Variants in PRKAR2A observed in about 807,000 individuals in gnomAD.
PRKAR2A encodes protein kinase cAMP-dependent type II regulatory subunit alpha, also known as cAMP-dependent protein kinase type II-alpha regulatory subunit.
A neutral mutation model predicts 51.9 loss-of-function variants in PRKAR2A; 29 were observed. That is an observed-to-expected ratio of 0.56 (90% CI 0.42 to 0.76). PRKAR2A has a LOEUF of 0.76. Ranked by LOEUF, PRKAR2A falls within the 30% of genes least tolerant of loss-of-function variation. The probability of loss-of-function intolerance (pLI) is 0.00; values close to 1 mark genes in which losing one functional copy is unlikely to be tolerated. For synonymous variants in PRKAR2A, 178 were observed against 186.2 expected, an observed-to-expected ratio of 0.96 and a Z score of 0.36; for missense variants, 445 against 512.1, an observed-to-expected ratio of 0.87 and a Z score of 1.26.
intron 9 of PRKAR2A, among the ~76,000 whole-genome samples, chr3:48,753,988 C>A (rs1486321761): frequency 6.7e-6 from 1 of 148,548 alleles, no homozygotes; most frequent in Non-Finnish European, 1.5e-5. Flanking sequence ...AGCTCTGCCT[C>A]CTGGGCTCAT....
chr3:48,796,938 G>A (rs1432085026), intron 2 of PRKAR2A, among the ~76,000 whole-genome samples: 1 of 151,694 alleles, frequency 6.6e-6, no homozygotes, highest in Non-Finnish European at 1.5e-5. Context: ...AGTTTACTGA[G>A]CATTTTGTAG....
rs2081642141 is a variant in PRKAR2A at position 48,751,221 on chromosome 3, C to T, written c.*364G>A. ...CAGGTTTCTGCAGACCCTGTGGTAA[C>T]TTCCAAAAGCAAGAGTAGCAGCAAG... On this transcript the variant is annotated 3_prime_UTR_variant, in exon 11 of 11. Transcript: ENST00000265563. 2.2e-6 allele frequency: 1 copy of T among 453,426 alleles called. No homozygotes were observed. Among genetic ancestry groups the T allele is most frequent in the Non-Finnish European group, 4.4e-6 (1 of 227,674 alleles). 28.1% of individuals were successfully genotyped at this position (453,426 alleles called of 1,614,324 possible). A position where few individuals can be genotyped will look rare whatever the true frequency, so the allele number is the denominator to read the frequency against.
chr3:48,755,984 G>A (rs1344592399), intron 9 of PRKAR2A, among the ~76,000 whole-genome samples: 1 of 151,892 alleles, frequency 6.6e-6, no homozygotes, highest in African/African-American at 2.4e-5. Flanking sequence ...GTTTCACCGT[G>A]TTAGCCAGGA....
intron 1 of PRKAR2A, among the ~76,000 whole-genome samples, chr3:48,818,665 G>A (rs997376792): frequency 3.9e-5 from 6 of 152,112 alleles, no homozygotes; most frequent in Admixed American, 3.9e-4. Context: ...GAGGTGGGAG[G>A]ATGGCTTGAG....
At chr3:48,841,865 GA>G (rs1335705284) in intron 1 of PRKAR2A, among the ~76,000 whole-genome samples, 1 of 152,032 alleles carries the variant, frequency 6.6e-6, no homozygotes, top group Non-Finnish European at 1.5e-5. Context: ...AGCCACCTGA[GA>G]CACCAAAAAT....
intron 5 of PRKAR2A, among the ~76,000 whole-genome samples, chr3:48,782,312 AATAC>A (rs1178082944): frequency 6.6e-6 from 1 of 152,204 alleles, no homozygotes; most frequent in Non-Finnish European, 1.5e-5. Flanking sequence ...ATCAGGCTCA[AATAC>A]AAACATTCAA....
At chr3:48,809,022 C>A (rs2082727746) in intron 1 of PRKAR2A, among the ~76,000 whole-genome samples, 1 of 152,022 alleles carries the variant, frequency 6.6e-6, no homozygotes, top group Middle Eastern at 3.4e-3. Context: ...CTCAAGTGAT[C>A]CACCCACCTT....
chr3:48,764,072 T>A (rs1195506760), intron 8 of PRKAR2A, among the ~76,000 whole-genome samples: 1 of 152,222 alleles, frequency 6.6e-6, no homozygotes, highest in Non-Finnish European at 1.5e-5. Flanking sequence ...TTCCTCCTCG[T>A]AGTCTCAGTA....
Position 48,847,416 on chromosome 3 carries a change from G to A in PRKAR2A, c.181C>T (p.His61Tyr). ...TCCGGGCCGGGTTCTGGCGGGGGGT[G>A]GCCCAGGCTCTGGCGTGGGGTGGCG... ...PAATPRQSLG[H>Y]PPPEPGPDRV... The change falls in exon 1 of 11, where the codon CAC (histidine) becomes TAC (tyrosine). Residue 61 changes from histidine (H) to tyrosine (Y), a missense_variant. His to Tyr is a moderately conservative substitution (Grantham distance 83). Transcript: ENST00000265563. The surrounding 1 kb of genome is among the most constrained non-coding windows in gnomAD (Gnocchi z 4.4). The A allele has an allele frequency of 6.3e-7, 1 of 1,599,982 alleles. No homozygotes were observed. The highest frequency in any genetic ancestry group is 8.5e-7 in the Non-Finnish European group (1 of 1,173,356).
At chr3:48,756,560 A>G in intron 8 of PRKAR2A, 116 bp from the exon 9 acceptor site, 1 of 758,262 alleles carries the variant, frequency 1.3e-6, no homozygotes, top group Non-Finnish European at 2.2e-6. Flanking sequence ...AACTCTGCAA[A>G]TGAATCAATA....
At position 48,755,609 on chromosome 3, in the gene PRKAR2A, C is replaced by CT. The variant is rs545711673; in HGVS notation, c.939+769dup. On this transcript the variant is annotated intron_variant, in intron 9 of 10. Transcript: ENST00000265563. ...TTATATAATTTCCCTATTTTCTTTC[C>CT]TTTTTTTTTTTTTTTAAAGACAGGG... Among the ~76,000 whole-genome samples, 427 of 138,998 alleles carry CT rather than the reference C, an allele frequency of 3.1e-3. 2 individuals are homozygous for CT. The highest frequency in any genetic ancestry group is 0.017 in the South Asian group (74 of 4,370). 91.2% of individuals were successfully genotyped at this position (138,998 alleles called of 152,430 possible).
At chr3:48,817,053 GC>G (rs2082885049) in intron 1 of PRKAR2A, among the ~76,000 whole-genome samples, 1 of 152,056 alleles carries the variant, frequency 6.6e-6, no homozygotes, top group Non-Finnish European at 1.5e-5. Context: ...AATAGGCTGG[GC>G]GCAGTGGCTC....
intron 8 of PRKAR2A, among the ~76,000 whole-genome samples, chr3:48,763,376 T>C (rs766915353): frequency 6.6e-6 from 1 of 152,138 alleles, no homozygotes; most frequent in Non-Finnish European, 1.5e-5. Flanking sequence ...TGAAGATAGA[T>C]AGCACTCTAT....
At chr3:48,761,789 T>C (rs1462129386) in intron 8 of PRKAR2A, among the ~76,000 whole-genome samples, 2 of 152,166 alleles carry the variant, frequency 1.3e-5, no homozygotes, top group Non-Finnish European at 2.9e-5. Flanking sequence ...ATTTTTTTTA[T>C]TACTTTTTAG....
intron 2 of PRKAR2A, 95 bp from the exon 3 acceptor site, chr3:48,794,144 GTTTTC>G (rs1396732518): frequency 6.6e-6 from 6 of 908,272 alleles, no homozygotes; most frequent in East Asian, 2.8e-5. Context: ...TTTATTCACT[GTTTTC>G]TTTTCTTTTT....
At chr3:48,827,374 A>G (rs1024797852) in intron 1 of PRKAR2A, among the ~76,000 whole-genome samples, 14 of 152,150 alleles carry the variant, frequency 9.2e-5, no homozygotes, top group African/African-American at 3.1e-4. Flanking sequence ...AAGAAAGAAC[A>G]TAAGTATGTC....
intron 1 of PRKAR2A, among the ~76,000 whole-genome samples, chr3:48,846,331 C>G (rs1016398806): frequency 6.6e-6 from 1 of 151,836 alleles, no homozygotes; most frequent in Non-Finnish European, 1.5e-5. Flanking sequence ...TTCTCCCTGC[C>G]TCAGCCTCCC....
At chr3:48,782,071 G>A (rs973925485) in intron 5 of PRKAR2A, among the ~76,000 whole-genome samples, 11 of 152,300 alleles carry the variant, frequency 7.2e-5, no homozygotes, top group Middle Eastern at 3.4e-3. Flanking sequence ...ATTAATGGAA[G>A]ATATCAGGTG....
intron 1 of PRKAR2A, among the ~76,000 whole-genome samples, chr3:48,810,097 T>A (rs2082746768): frequency 6.6e-6 from 1 of 152,176 alleles, no homozygotes; most frequent in Admixed American, 6.6e-5. Context: ...ATCAGAGTGA[T>A]CTTAACATTG....
Sources: gnomAD v4.1 joint callset for allele counts (sites outside exome capture counted in the v4.1 genomes callset) on GRCh38, gnomAD v4.1.1 for gene constraint, Gnocchi (gnomAD v3.1) non-coding constraint, MANE v1.5 for transcripts, NCBI Gene and HGNC (gene_info 2026-07-23, HGNC 2026-07-21) for gene names.